MAP4K3: variants seen among roughly 807,000 people sequenced by gnomAD.
MAP4K3 encodes MAPK/ERK kinase kinase kinase 3.
MAP4K3 carries 94 observed loss-of-function variants against 143.5 expected under a neutral mutation model. That is an observed-to-expected ratio of 0.65 (90% CI 0.55 to 0.78). The LOEUF (loss-of-function observed/expected upper bound fraction) is 0.78. Ranked by LOEUF, MAP4K3 falls within the 30% of genes least tolerant of loss-of-function variation. The pLI, the probability that MAP4K3 is intolerant of heterozygous loss-of-function variation, is 0.00. For missense variants in MAP4K3, 1,077 were observed against 1,068.1 expected, an observed-to-expected ratio of 1.01 and a Z score of -0.12; for synonymous variants, 416 against 347.2, an observed-to-expected ratio of 1.20 and a Z score of -2.20.
At chr2:39,331,262 C>T (rs1303730474) in intron 8 of MAP4K3, among the ~76,000 whole-genome samples, 1 of 152,110 alleles carries the variant, frequency 6.6e-6, no homozygotes, top group Non-Finnish European at 1.5e-5. Flanking sequence ...TATACCAATC[C>T]ACCATTATCA....
At chr2:39,329,860 A>C (rs1320902533) in intron 8 of MAP4K3, among the ~76,000 whole-genome samples, 1 of 152,208 alleles carries the variant, frequency 6.6e-6, no homozygotes, top group Non-Finnish European at 1.5e-5. Context: ...AGAGTTATGA[A>C]CCAGTTTTTA....
chr2:39,280,887 T>G (rs1402160165), intron 22 of MAP4K3, among the ~76,000 whole-genome samples: 1 of 152,150 alleles, frequency 6.6e-6, no homozygotes, highest in Non-Finnish European at 1.5e-5. Flanking sequence ...AATTAAGCAA[T>G]CTGATTATTT....
chr2:39,428,578 A>G (rs899260584), intron 1 of MAP4K3, among the ~76,000 whole-genome samples: 3 of 152,066 alleles, frequency 2.0e-5, no homozygotes, highest in South Asian at 2.1e-4. Flanking sequence ...CGGGAGGCTG[A>G]GGCAGGAGAA....
At position 39,251,980 on chromosome 2, in the gene MAP4K3, C is replaced by A. The variant is rs183301139; in HGVS notation, c.2542-95G>T. 8.7e-3 allele frequency: 7,210 copies of A among 828,284 alleles called. 61 individuals carry two copies. The highest frequency in any genetic ancestry group is 0.024 in the Middle Eastern group (73 of 3,034). The allele number at this position is 828,284 out of a possible 1,614,324, so 51.3% of individuals were successfully genotyped here. On this transcript the variant is annotated intron_variant, in intron 32 of 33. Coordinates refer to ENST00000263881, the MANE Select transcript of MAP4K3 (RefSeq NM_003618.4). ...TAATTCAACAGAAAAGAAACATGAT[C>A]GCTAAAAATGAAAACATATTCCTGC...
At chr2:39,326,486 T>C (rs576605829) in intron 8 of MAP4K3, among the ~76,000 whole-genome samples, 2 of 152,294 alleles carry the variant, frequency 1.3e-5, no homozygotes, top group East Asian at 1.9e-4. Context: ...CTTTTGATTA[T>C]ACAGGCTTAT....
chr2:39,315,529 T>A lies in MAP4K3; in HGVS notation c.919-141A>T, dbSNP rs564616159. On this transcript the variant is annotated intron_variant, in intron 12 of 33. Coordinates refer to ENST00000263881, the MANE Select transcript of MAP4K3 (RefSeq NM_003618.4). ...CAGCACTTTGCAAATTTTTTTTTTT[T>A]AAAAAAGCAAACCACAATAGCAGCT... 160 of 437,386 alleles carry A rather than the reference T, an allele frequency of 3.7e-4. 3 individuals are homozygous for A. Among genetic ancestry groups the A allele is most frequent in the South Asian group, 2.1e-3 (75 of 35,292 alleles). The allele number at this position is 437,386 out of a possible 1,614,324, so 27.1% of individuals were successfully genotyped here.
rs1384930179 is a variant in MAP4K3, at chr2:39,333,529, T to C, written c.457+3A>G. On this transcript the variant is annotated splice_donor_region_variant and intron_variant, in intron 7 of 33. Transcript: ENST00000263881. ...GCACGTGACAAAATTCCAATTTACT[T>C]ACCCAATTTCACATGACCATTATCC... 4 of 1,604,086 alleles carry C rather than the reference T, an allele frequency of 2.5e-6. No homozygotes were observed. Among genetic ancestry groups the C allele is most frequent in the Admixed American group, 1.7e-5 (1 of 59,824 alleles).
intron 24 of MAP4K3, among the ~76,000 whole-genome samples, chr2:39,276,310 A>G (rs1681250901): frequency 6.6e-6 from 1 of 152,228 alleles, no homozygotes; most frequent in South Asian, 2.1e-4. Context: ...TCTTTCTGTT[A>G]CTGTCAGGCA....
chr2:39,285,328 A>G (rs999211738), intron 21 of MAP4K3, among the ~76,000 whole-genome samples: 12 of 152,244 alleles, frequency 7.9e-5, no homozygotes, highest in African/African-American at 2.9e-4. Flanking sequence ...TAACAGAAAA[A>G]GTGAACTAAA....
chr2:39,325,661 C>T (rs371071030), intron 11 of MAP4K3, 33 bp from the exon 12 acceptor site: 16 of 1,567,778 alleles, frequency 1.0e-5, no homozygotes, highest in Admixed American at 3.4e-5. Flanking sequence ...AGAACACTTA[C>T]TATAAATCTG....
chr2:39,306,215 T>C (rs1202699539), intron 15 of MAP4K3, among the ~76,000 whole-genome samples: 1 of 152,230 alleles, frequency 6.6e-6, no homozygotes, highest in Non-Finnish European at 1.5e-5. Flanking sequence ...AGAGTCAATT[T>C]AAAAATTTGA....
intron 1 of MAP4K3, among the ~76,000 whole-genome samples, chr2:39,407,498 C>A (rs901671181): frequency 4.6e-5 from 7 of 152,324 alleles, no homozygotes; most frequent in Admixed American, 3.3e-4. Context: ...CTCCCAGACA[C>A]CATTAAGAAA....
chr2:39,328,637 C>T (rs1683579988), intron 8 of MAP4K3, among the ~76,000 whole-genome samples: 2 of 152,140 alleles, frequency 1.3e-5, no homozygotes, highest in Admixed American at 6.5e-5. Flanking sequence ...CTGGTGGTTT[C>T]TTACCACCAC....
At chr2:39,430,101 G>C (rs1319120555) in intron 1 of MAP4K3, among the ~76,000 whole-genome samples, 4 of 152,130 alleles carry the variant, frequency 2.6e-5, no homozygotes, top group African/African-American at 9.7e-5. Flanking sequence ...CACAAGACTG[G>C]GTAATTTATA....
chr2:39,341,698 G>C (rs1420881859), intron 4 of MAP4K3, among the ~76,000 whole-genome samples: 2 of 151,002 alleles, frequency 1.3e-5, no homozygotes, highest in Non-Finnish European at 3.0e-5. Flanking sequence ...AAACCAATTA[G>C]TAAGGAAATC....
intron 16 of MAP4K3, among the ~76,000 whole-genome samples, chr2:39,296,149 T>C (rs984483365): frequency 6.6e-6 from 1 of 152,222 alleles, no homozygotes; most frequent in Non-Finnish European, 1.5e-5. Flanking sequence ...TTTTAATTCA[T>C]TTACCTATAA....
intron 22 of MAP4K3, 145 bp downstream of exon 22, chr2:39,282,368 C>T (rs1558620049): frequency 1.3e-5 from 9 of 688,826 alleles, no homozygotes; most frequent in South Asian, 5.0e-5. Flanking sequence ...CATGGTGACA[C>T]ATGCCTGTAA....
chr2:39,288,480 G>A (rs1681892120), intron 19 of MAP4K3, among the ~76,000 whole-genome samples, 200 bp from the exon 20 acceptor site: 1 of 152,126 alleles, frequency 6.6e-6, no homozygotes, highest in Admixed American at 6.5e-5. Flanking sequence ...ACTAAAATGT[G>A]TACATCTCAG....
chr2:39,299,846 C>G, intron 15 of MAP4K3, 45 bp from the exon 16 acceptor site: 1 of 943,762 alleles, frequency 1.1e-6, no homozygotes, highest in South Asian at 1.9e-5. Context: ...TAGTATATGA[C>G]ACACCATGAT....
Sources: allele counts gnomAD v4.1 joint callset (sites outside exome capture counted in the v4.1 genomes callset), GRCh38; gene constraint gnomAD v4.1.1; transcripts MANE v1.5; gene names NCBI Gene and HGNC (gene_info 2026-07-23, HGNC 2026-07-21).